The following LIMD1 variants were observed in gnomAD, a reference collection of about 807,000 sequenced individuals.
LIMD1 encodes the protein LIM domain containing 1, also known as LIM domain-containing protein 1.
LIMD1 carries 23 observed loss-of-function variants against 58.4 expected under a neutral mutation model. The ratio of observed to expected loss-of-function variants is 0.39; its 90% CI spans 0.28 to 0.56. LIMD1 has a LOEUF of 0.56. LIMD1 is among the 20% of genes least tolerant of loss of function. LIMD1 has a pLI of 0.57. For synonymous variants in LIMD1, 334 were observed against 345.5 expected (o/e 0.97, Z 0.37); for missense variants, 838 against 855.5 (o/e 0.98, Z 0.25).
At chr3:45,605,418 C>A (rs1035738177) in intron 1 of LIMD1, among the ~76,000 whole-genome samples, 1 of 152,194 alleles carries the variant, frequency 6.6e-6, no homozygotes, top group African/African-American at 2.4e-5. Flanking sequence ...AAAATACATA[C>A]AATTAAAGAA....
Position 45,594,811 on chromosome 3 carries a change from A to ACACACACAG in LIMD1, c.-61_-60insGCACACACA, listed in dbSNP as rs1559510652. On this transcript the variant is annotated 5_prime_UTR_variant, in exon 1 of 8. Coordinates refer to ENST00000273317, the MANE Select transcript of LIMD1 (RefSeq NM_014240.3). ...CACACACACACACACACACACACAC[A>ACACACACAG]CACACACACACACACACACACACAC... 5 of 771,472 alleles carry ACACACACAG rather than the reference A, an allele frequency of 6.5e-6. No homozygotes were observed. The African/African-American group carries it at 7.0e-5, about 11-fold the overall frequency. 47.8% of individuals were successfully genotyped at this position (771,472 alleles called of 1,614,324 possible).
chr3:45,652,684 A>C (rs1261047138), intron 2 of LIMD1, among the ~76,000 whole-genome samples: 1 of 152,174 alleles, frequency 6.6e-6, no homozygotes, highest in Non-Finnish European at 1.5e-5. Flanking sequence ...GGGAATAGGC[A>C]CTGTTTCCAG....
At chr3:45,633,803 A>G (rs1247908479) in intron 1 of LIMD1, among the ~76,000 whole-genome samples, 1 of 152,118 alleles carries the variant, frequency 6.6e-6, no homozygotes, top group Non-Finnish European at 1.5e-5. Context: ...GTGTGGGGGA[A>G]TTTCATGAAG....
At chr3:45,646,530 C>T (rs1341319662) in intron 2 of LIMD1, among the ~76,000 whole-genome samples, 1 of 152,174 alleles carries the variant, frequency 6.6e-6, no homozygotes, top group Non-Finnish European at 1.5e-5. Context: ...CTACTGGCCA[C>T]CTGGGGCTCT....
chr3:45,623,025 T>C (rs149482841), intron 1 of LIMD1, among the ~76,000 whole-genome samples: 271 of 152,304 alleles, frequency 1.8e-3, no homozygotes, highest in African/African-American at 6.2e-3. Context: ...TGTCCACGTT[T>C]ATGCTTCCAT....
At chr3:45,610,526 G>A (rs748846689) in intron 1 of LIMD1, among the ~76,000 whole-genome samples, 2 of 152,192 alleles carry the variant, frequency 1.3e-5, no homozygotes, top group Non-Finnish European at 2.9e-5. Flanking sequence ...GCGCAGGTTT[G>A]GCAGGGAGCA....
chr3:45,640,062 T>C (rs1575355482), intron 2 of LIMD1, among the ~76,000 whole-genome samples: 1 of 152,246 alleles, frequency 6.6e-6, no homozygotes, highest in East Asian at 1.9e-4. Context: ...AGAGTGGCTG[T>C]CTATTTCTTA....
At chr3:45,603,144 C>T (rs1701433019) in intron 1 of LIMD1, among the ~76,000 whole-genome samples, 1 of 152,138 alleles carries the variant, frequency 6.6e-6, no homozygotes, top group African/African-American at 2.4e-5. Flanking sequence ...CCTGGCCCTT[C>T]ATGACTTTTT....
At chr3:45,674,286 C>T (rs1697636256) in intron 6 of LIMD1, 57 bp from the exon 7 acceptor site, 2 of 1,433,164 alleles carry the variant, frequency 1.4e-6, no homozygotes, top group African/African-American at 1.4e-5. Flanking sequence ...GTACATCAAG[C>T]CCGACAGCCC....
At chr3:45,651,652 G>T (rs574226919) in intron 2 of LIMD1, among the ~76,000 whole-genome samples, 1 of 150,870 alleles carries the variant, frequency 6.6e-6, no homozygotes, top group East Asian at 1.9e-4. Flanking sequence ...TTTTTTTTAA[G>T]ATGGAGTCTT....
At chr3:45,619,211 A>G (rs1340111194) in intron 1 of LIMD1, among the ~76,000 whole-genome samples, 1 of 152,086 alleles carries the variant, frequency 6.6e-6, no homozygotes, top group Non-Finnish European at 1.5e-5. Context: ...GAGTCTTACT[A>G]TAGCCCAGGC....
intron 2 of LIMD1, among the ~76,000 whole-genome samples, chr3:45,663,036 C>G (rs1052987230): frequency 2.6e-5 from 4 of 151,956 alleles, no homozygotes; most frequent in Non-Finnish European, 4.4e-5. Flanking sequence ...TGCGCACTCT[C>G]AAACTTACAC....
intron 1 of LIMD1, chr3:45,635,931 GAAAGTGGGACCT>G (rs2125658396): frequency 1.0e-6 from 1 of 985,290 alleles, no homozygotes; most frequent in East Asian, 1.1e-4. Flanking sequence ...GTGGGGCAGG[GAAAGTGGGACCT>G]AAAGTCCAGC....
At chr3:45,597,150 G>A (rs531056235) in intron 1 of LIMD1, among the ~76,000 whole-genome samples, 4 of 152,170 alleles carry the variant, frequency 2.6e-5, no homozygotes, top group Admixed American at 1.3e-4. Context: ...GTGAGCCACC[G>A]CGCCTGGCCA....
rs573802224 is a variant in LIMD1 at position 45,606,841 on chromosome 3, C to T, written c.1408+10554C>T. 2.6e-5 allele frequency among the ~76,000 whole-genome samples: 4 copies of T among 152,342 alleles called. No individual in the cohort carries two copies. The South Asian group carries it at 8.3e-4, about 32-fold the overall frequency. ...GCAGAGTCTCGCTCTGTTGCCCAGG[C>T]TGGAGTGCAGTGGCAATATCTCAGC... On this transcript the variant is annotated intron_variant, in intron 1 of 7. Transcript: ENST00000273317.
In LIMD1 at chr3:45,683,628, A is replaced by G. The variant is rs1490617945; in HGVS notation, c.*6569A>G. The G allele has an allele frequency of 2.6e-5, 4 of 152,280 alleles. No individual in the cohort carries two copies. In the East Asian group the frequency reaches 7.7e-4, roughly 29 times the overall value. The allele number at this position is 152,280 out of a possible 1,614,324, so 9.4% of individuals were successfully genotyped here. ...TCTGATTGGTCCCCTCCCACAACCA[A>G]TCAAACTGATCATGGACCTCTGCTT... On this transcript the variant is annotated 3_prime_UTR_variant, in exon 8 of 8. Transcript: ENST00000273317.
At chr3:45,658,504 G>GAA (rs1697376268) in intron 2 of LIMD1, among the ~76,000 whole-genome samples, 1 of 138,046 alleles carries the variant, frequency 7.2e-6, no homozygotes, top group Non-Finnish European at 1.6e-5. Context: ...AACCAACTAG[G>GAA]AAATAAACCA....
intron 3 of LIMD1, among the ~76,000 whole-genome samples, chr3:45,667,124 C>T (rs1458235818): frequency 6.6e-6 from 1 of 152,250 alleles, no homozygotes; most frequent in Non-Finnish European, 1.5e-5. Flanking sequence ...CCAGAGTTTA[C>T]ATTCTCTCAG....
intron 1 of LIMD1, among the ~76,000 whole-genome samples, chr3:45,622,772 A>G (rs2125654546): frequency 6.6e-6 from 1 of 151,920 alleles, no homozygotes; most frequent in Middle Eastern, 3.4e-3. Flanking sequence ...AGGTTCAAGC[A>G]ATTCTCCTGC....
Sources: allele counts gnomAD v4.1 joint callset (sites outside exome capture counted in the v4.1 genomes callset), GRCh38; gene constraint gnomAD v4.1.1; transcripts MANE v1.5; gene names NCBI Gene and HGNC (gene_info 2026-07-23, HGNC 2026-07-21).